VWA8: variants seen among roughly 807,000 people sequenced by gnomAD.
VWA8 encodes the protein von Willebrand factor A domain containing 8, also known as von Willebrand factor A domain-containing protein 8.
Under a neutral mutation model 241.5 loss-of-function variants are expected in VWA8, and 221 were observed. The ratio of observed to expected loss-of-function variants is 0.91; its 90% CI spans 0.82 to 1.02. The LOEUF (loss-of-function observed/expected upper bound fraction) is 1.02. Ranked by LOEUF, VWA8 falls within the 50% of genes least tolerant of loss-of-function variation. The pLI is 0.00. For missense variants in VWA8, 2,322 were observed against 2,328.7 expected, an observed-to-expected ratio of 1.00 and a Z score of 0.06; for synonymous variants, 852 against 827.1, an observed-to-expected ratio of 1.03 and a Z score of -0.52.
intron 12 of VWA8, among the ~76,000 whole-genome samples, chr13:41,855,346 AAATATATATT>A (rs1353068771): frequency 3.4e-5 from 5 of 145,850 alleles, no homozygotes; most frequent in Non-Finnish European, 6.0e-5. Context: ...TATAATATAT[AAATATATATT>A]AATATATATT....
chr13:41,572,416 T>C (rs1246820873), intron 43 of VWA8, among the ~76,000 whole-genome samples: 1 of 152,202 alleles, frequency 6.6e-6, no homozygotes, highest in Non-Finnish European at 1.5e-5. Flanking sequence ...TAGAAAGAAG[T>C]AGACATGGGA....
intron 12 of VWA8, among the ~76,000 whole-genome samples, chr13:41,850,487 A>G (rs1302787339): frequency 6.6e-6 from 1 of 152,120 alleles, no homozygotes; most frequent in Non-Finnish European, 1.5e-5. Context: ...ACTCAGCCTC[A>G]AGGTCTGCCA....
chr13:41,949,031 T>TAAAAAAAAAAAAAA, intron 2 of VWA8, among the ~76,000 whole-genome samples: 1 of 63,390 alleles, frequency 1.6e-5, no homozygotes, highest in Non-Finnish European at 2.9e-5. Flanking sequence ...TCTACCATCA[T>TAAAAAAAAAAAAAA]AAAAAAAAAA....
intron 5 of VWA8, among the ~76,000 whole-genome samples, 199 bp from the exon 6 acceptor site, chr13:41,887,560 G>A (rs1176443971): frequency 6.6e-6 from 1 of 152,158 alleles, no homozygotes; most frequent in Non-Finnish European, 1.5e-5. Context: ...TGAAGACTGG[G>A]GTGTTTGAAA....
intron 2 of VWA8, among the ~76,000 whole-genome samples, chr13:41,941,226 A>G (rs568060213): frequency 1.3e-5 from 2 of 152,332 alleles, no homozygotes; most frequent in South Asian, 4.1e-4. Flanking sequence ...AAATCCTTAA[A>G]GCTAATATAG....
At chr13:41,909,246 G>T (rs1875879673) in intron 3 of VWA8, among the ~76,000 whole-genome samples, 1 of 152,078 alleles carries the variant, frequency 6.6e-6, no homozygotes, top group Non-Finnish European at 1.5e-5. Context: ...TTTTAGTACA[G>T]ACGGGATTTC....
chr13:41,688,575 T>C (rs1274182316), intron 34 of VWA8, among the ~76,000 whole-genome samples: 1 of 152,092 alleles, frequency 6.6e-6, no homozygotes, highest in Non-Finnish European at 1.5e-5. Flanking sequence ...GGAAAATCAA[T>C]TGAGACAATT....
intron 40 of VWA8, among the ~76,000 whole-genome samples, chr13:41,602,235 CTG>C (rs1207707116): frequency 6.6e-6 from 1 of 151,976 alleles, no homozygotes; most frequent in Non-Finnish European, 1.5e-5. Context: ...TTGAAAAATG[CTG>C]TGTTGGCATT....
intron 2 of VWA8, among the ~76,000 whole-genome samples, chr13:41,931,188 A>G (rs1474748156): frequency 6.7e-6 from 1 of 149,904 alleles, no homozygotes; most frequent in African/African-American, 2.4e-5. Flanking sequence ...TTTATTATTC[A>G]GCCTTTAAAA....
At chr13:41,881,814 T>G (rs868074304) in intron 9 of VWA8, among the ~76,000 whole-genome samples, 2 of 74,494 alleles carry the variant, frequency 2.7e-5, no homozygotes, top group Non-Finnish European at 5.6e-5. Flanking sequence ...CGGGCAGAGG[T>G]GCCCCTCACC....
At chr13:41,891,926 T>C (rs1387929670) in intron 4 of VWA8, among the ~76,000 whole-genome samples, 1 of 152,190 alleles carries the variant, frequency 6.6e-6, no homozygotes, top group African/African-American at 2.4e-5. Context: ...GGGCACAGAT[T>C]CCACAACTGG....
chr13:41,896,047 A>T (rs1221145309), intron 4 of VWA8, among the ~76,000 whole-genome samples: 1 of 152,038 alleles, frequency 6.6e-6, no homozygotes, highest in Non-Finnish European at 1.5e-5. Flanking sequence ...TTAATTTAGG[A>T]ATACAAAGAA....
At chr13:41,750,732 T>G (rs185568989) in intron 21 of VWA8, among the ~76,000 whole-genome samples, 1 of 152,320 alleles carries the variant, frequency 6.6e-6, no homozygotes, top group African/African-American at 2.4e-5. Flanking sequence ...GATGAGGAAC[T>G]GCTTATTGCT....
chr13:41,662,213 G>A (rs2044954657), intron 37 of VWA8, among the ~76,000 whole-genome samples: 1 of 152,084 alleles, frequency 6.6e-6, no homozygotes, highest in Non-Finnish European at 1.5e-5. Flanking sequence ...TGTTAAATCT[G>A]TAGGCCAATT....
At chr13:41,715,815 A>G (rs907188740) in intron 26 of VWA8, among the ~76,000 whole-genome samples, 1 of 152,016 alleles carries the variant, frequency 6.6e-6, no homozygotes, top group Non-Finnish European at 1.5e-5. Flanking sequence ...ACATTAGTAC[A>G]TGCAACACAC....
At chr13:41,913,044 T>A (rs1876086192) in intron 2 of VWA8, among the ~76,000 whole-genome samples, 1 of 151,918 alleles carries the variant, frequency 6.6e-6, no homozygotes, top group South Asian at 2.1e-4. Flanking sequence ...ATACACAGAA[T>A]GAAATATTAT....
In VWA8 at chr13:41,611,739, G is replaced by A; in HGVS notation, c.4721-7C>T. The A allele has an allele frequency of 6.2e-7, 1 of 1,613,250 alleles. No homozygotes were observed. The highest frequency in any genetic ancestry group is 8.5e-7 in the Non-Finnish European group (1 of 1,179,588). On this transcript the variant is annotated splice_polypyrimidine_tract_variant and splice_region_variant and intron_variant, in intron 38 of 44. Transcript: ENST00000379310. ...CCTGCCGTGTCTCTTCCCCCTGGAA[G>A]GAAAACGTGGAAATTCAGATGATAA...
intron 23 of VWA8, 63 bp from the exon 24 acceptor site, chr13:41,727,376 C>A (rs1190994952): frequency 4.4e-6 from 5 of 1,135,362 alleles, no homozygotes; most frequent in Non-Finnish European, 6.1e-6. Context: ...TATCAAGCAA[C>A]AATCTTTTAG....
At chr13:41,797,123 C>G (rs557059710) in intron 17 of VWA8, among the ~76,000 whole-genome samples, 23 of 151,840 alleles carry the variant, frequency 1.5e-4, no homozygotes, top group African/African-American at 5.6e-4. Flanking sequence ...CTCCACTGCC[C>G]GGGTTCAAGT....
Sources: allele counts gnomAD v4.1 joint callset (sites outside exome capture counted in the v4.1 genomes callset), GRCh38; gene constraint gnomAD v4.1.1; transcripts MANE v1.5; gene names NCBI Gene and HGNC (gene_info 2026-07-23, HGNC 2026-07-21).